ADGB: variants seen among roughly 807,000 people sequenced by gnomAD.
ADGB encodes androglobin, also known as calpain-7-like protein.
Under a neutral mutation model 210.5 loss-of-function variants are expected in ADGB, and 172 were observed. That is an observed-to-expected ratio of 0.82 (90% confidence interval 0.72 to 0.93). The LOEUF (loss-of-function observed/expected upper bound fraction) is 0.93, where lower values mean the gene tolerates loss of function less well. Among genes scored for constraint, ADGB ranks in the 40% least tolerant of loss-of-function variants. ADGB has a pLI of 0.00. For missense variants in ADGB, 2,025 were observed against 1,964.8 expected, an observed-to-expected ratio of 1.03 and a Z score of -0.58; for synonymous variants, 658 against 662.7, an observed-to-expected ratio of 0.99 and a Z score of 0.11.
At chr6:146,671,994 A>G (rs1776015832) in intron 7 of ADGB, among the ~76,000 whole-genome samples, 1 of 152,110 alleles carries the variant, frequency 6.6e-6, no homozygotes, top group Non-Finnish European at 1.5e-5. Context: ...AGATAACACC[A>G]TGGTTTTGGT....
intron 2 of ADGB, among the ~76,000 whole-genome samples, chr6:146,638,282 A>G (rs1775454507): frequency 6.6e-6 from 1 of 152,040 alleles, no homozygotes; most frequent in South Asian, 2.1e-4. Context: ...AAGCTGATGC[A>G]AATCTGACTG....
At chr6:146,777,992 A>T (rs4896889) in intron 29 of ADGB, among the ~76,000 whole-genome samples, 2,261 of 152,118 alleles carry the variant, frequency 0.015, 57 homozygotes, top group African/African-American at 0.052. Context: ...TAAGCACACC[A>T]TTAGCAGCCA....
chr6:146,661,584 A>C (rs928456638), intron 5 of ADGB, among the ~76,000 whole-genome samples: 2 of 152,090 alleles, frequency 1.3e-5, no homozygotes, highest in African/African-American at 2.4e-5. Context: ...TTTTGCTTTT[A>C]AATTCAAACA....
intron 8 of ADGB, among the ~76,000 whole-genome samples, chr6:146,673,323 T>A (rs532576601): frequency 6.6e-6 from 1 of 152,306 alleles, no homozygotes; most frequent in African/African-American, 2.4e-5. Flanking sequence ...AAACATGTAA[T>A]GACTGTGAGT....
At chr6:146,656,102 T>A (rs1418283225) in intron 4 of ADGB, among the ~76,000 whole-genome samples, 1 of 152,048 alleles carries the variant, frequency 6.6e-6, no homozygotes, top group African/African-American at 2.4e-5. Flanking sequence ...CTTAGAGAGG[T>A]GGAAGCAACT....
intron 20 of ADGB, among the ~76,000 whole-genome samples, chr6:146,731,776 T>C (rs1297794074): frequency 1.3e-5 from 2 of 152,160 alleles, no homozygotes; most frequent in Non-Finnish European, 2.9e-5. Context: ...TTAGTTTTAT[T>C]GTAAATAATA....
chr6:146,725,988 T>C (rs1776889385), intron 18 of ADGB, 95 bp from the exon 19 acceptor site: 4 of 688,032 alleles, frequency 5.8e-6, no homozygotes, highest in African/African-American at 1.8e-5. Context: ...AACCTTTTAC[T>C]TCATTTGAGT....
At chr6:146,687,481 C>A (rs1287465087) in intron 10 of ADGB, among the ~76,000 whole-genome samples, 1 of 152,056 alleles carries the variant, frequency 6.6e-6, no homozygotes, top group African/African-American at 2.4e-5. Context: ...GGAATGAGAT[C>A]ATGTCCTTTT....
At chr6:146,789,401 GT>G (rs1351909066) in intron 33 of ADGB, among the ~76,000 whole-genome samples, 1 of 152,118 alleles carries the variant, frequency 6.6e-6, no homozygotes, top group African/African-American at 2.4e-5. Flanking sequence ...TTTTCTACTT[GT>G]TTTGAACCCA....
At chr6:146,685,667 G>A in intron 9 of ADGB, 67 bp from the exon 10 acceptor site, 5 of 866,656 alleles carry the variant, frequency 5.8e-6, no homozygotes, top group Non-Finnish European at 8.4e-6. Flanking sequence ...TGAACAATCT[G>A]GAGTGAGCAA....
intron 33 of ADGB, among the ~76,000 whole-genome samples, chr6:146,792,297 G>T (rs191159492): frequency 6.6e-6 from 1 of 152,120 alleles, no homozygotes; most frequent in Admixed American, 6.5e-5. Context: ...TATTGAATTC[G>T]TGGATTGCTT....
intron 35 of ADGB, among the ~76,000 whole-genome samples, chr6:146,811,423 A>C (rs1778300428): frequency 8.2e-6 from 1 of 122,466 alleles, no homozygotes; most frequent in Non-Finnish European, 1.7e-5. Context: ...ATATACATGT[A>C]TGTGTGTCTT....
chr6:146,697,135 G>A (rs1776414908), intron 12 of ADGB, among the ~76,000 whole-genome samples: 2 of 152,068 alleles, frequency 1.3e-5, no homozygotes, highest in South Asian at 2.1e-4. Flanking sequence ...GGAGGAAGAG[G>A]AACCCACACT....
intron 1 of ADGB, among the ~76,000 whole-genome samples, chr6:146,601,906 C>A (rs1423448003): frequency 6.6e-6 from 1 of 152,166 alleles, no homozygotes; most frequent in African/African-American, 2.4e-5. Flanking sequence ...GGTTTTCATT[C>A]CTTCTGAATT....
intron 13 of ADGB, among the ~76,000 whole-genome samples, chr6:146,701,524 A>C (rs1177314963): frequency 6.6e-6 from 1 of 152,006 alleles, no homozygotes; most frequent in African/African-American, 2.4e-5. Flanking sequence ...CTTTCTCACT[A>C]TTCTTGCTTT....
At chr6:146,761,930 C>A (rs1479815738) in intron 27 of ADGB, among the ~76,000 whole-genome samples, 3 of 152,074 alleles carry the variant, frequency 2.0e-5, no homozygotes, top group Non-Finnish European at 1.5e-5. Flanking sequence ...TGTCTTGAGA[C>A]AACTTAACTC....
intron 30 of ADGB, among the ~76,000 whole-genome samples, chr6:146,782,530 A>G (rs927774): frequency 0.53 from 80,085 of 151,494 alleles, 21,768 homozygotes; most frequent in African/African-American, 0.63. Flanking sequence ...GTTGAATGCT[A>G]TATGTGCAGT....
At chr6:146,759,589 A>C (rs1190396962) in intron 27 of ADGB, among the ~76,000 whole-genome samples, 1 of 151,772 alleles carries the variant, frequency 6.6e-6, no homozygotes, top group Non-Finnish European at 1.5e-5. Flanking sequence ...AATCTTTAAA[A>C]TTCAAGGATG....
chr6:146,721,618 A>G, intron 17 of ADGB, 113 bp downstream of exon 17: 1 of 497,610 alleles, frequency 2.0e-6, no homozygotes. Context: ...CGGGTGGATC[A>G]CCTGAAGTCA....
Sources: allele counts gnomAD v4.1 joint callset (sites outside exome capture counted in the v4.1 genomes callset), GRCh38; gene constraint gnomAD v4.1.1; transcripts MANE v1.5; gene names NCBI Gene and HGNC (gene_info 2026-07-23, HGNC 2026-07-21).